The following HELZ variants were observed in gnomAD, a reference collection of about 807,000 sequenced individuals.
The protein encoded by HELZ is ATP-dependent RNA helicase with zinc finger domain.
HELZ carries 23 observed loss-of-function variants against 218.2 expected under a neutral mutation model. The observed-to-expected ratio is 0.11, with a 90% confidence interval of 0.08 to 0.15. HELZ has a LOEUF of 0.15. Ranked by LOEUF, HELZ falls within the 10% of genes least tolerant of loss-of-function variation. The probability of loss-of-function intolerance (pLI) is 1.00; values close to 1 mark genes in which losing one functional copy is unlikely to be tolerated. For missense variants in HELZ, 1,813 were observed against 2,353.7 expected (o/e 0.77, Z 4.75); for synonymous variants, 814 against 829.4 (o/e 0.98, Z 0.32).
chr17:67,123,602 CA>C (rs1476209039), intron 25 of HELZ, among the ~76,000 whole-genome samples: 1 of 152,130 alleles, frequency 6.6e-6, no homozygotes, highest in African/African-American at 2.4e-5. Flanking sequence ...AATTTAAGTA[CA>C]TTTTTTATCT....
chr17:67,095,625 C>T (rs1422409159), intron 31 of HELZ, among the ~76,000 whole-genome samples: 1 of 152,110 alleles, frequency 6.6e-6, no homozygotes, highest in Non-Finnish European at 1.5e-5. Context: ...TATCAGGCTC[C>T]ACTTCTAATT....
intron 3 of HELZ, among the ~76,000 whole-genome samples, chr17:67,228,261 C>A (rs16960725): frequency 4.6e-5 from 7 of 151,980 alleles, no homozygotes; most frequent in African/African-American, 1.7e-4. Flanking sequence ...ATAAAATGCA[C>A]GTTTCATTAT....
intron 5 of HELZ, among the ~76,000 whole-genome samples, chr17:67,203,997 T>A (rs1328815598): frequency 6.6e-6 from 1 of 152,256 alleles, no homozygotes; most frequent in Non-Finnish European, 1.5e-5. Context: ...ATGAGGATCA[T>A]GTTTCTAACA....
At chr17:67,150,901 T>C (rs771311465) in intron 18 of HELZ, 145 bp downstream of exon 18, 15 of 654,894 alleles carry the variant, frequency 2.3e-5, no homozygotes, top group Middle Eastern at 5.8e-4. Context: ...AGACAATAAA[T>C]AGGTAAATAA....
intron 23 of HELZ, among the ~76,000 whole-genome samples, chr17:67,131,128 T>A (rs2037969019): frequency 1.3e-5 from 2 of 152,176 alleles, no homozygotes; most frequent in Non-Finnish European, 2.9e-5. Context: ...CCTCAAGTAA[T>A]CCTCCCACCT....
intron 17 of HELZ, among the ~76,000 whole-genome samples, chr17:67,158,753 T>A (rs567933102): frequency 2.6e-5 from 4 of 152,172 alleles, no homozygotes; most frequent in African/African-American, 9.7e-5. Context: ...CAACTATACA[T>A]GTACCCTACT....
intron 9 of HELZ, 60 bp from the exon 10 acceptor site, chr17:67,190,415 C>T (rs1271061925): frequency 1.5e-6 from 2 of 1,319,814 alleles, no homozygotes; most frequent in African/African-American, 1.5e-5. Flanking sequence ...TAAAAATAAA[C>T]TCCCAGCATT....
At chr17:67,229,760 A>G (rs1345707031) in intron 3 of HELZ, among the ~76,000 whole-genome samples, 1 of 152,222 alleles carries the variant, frequency 6.6e-6, no homozygotes, top group Non-Finnish European at 1.5e-5. Context: ...ATAGTCCTAT[A>G]GTATACACAG....
At chr17:67,180,408 A>G (rs991041833) in intron 12 of HELZ, among the ~76,000 whole-genome samples, 2 of 152,154 alleles carry the variant, frequency 1.3e-5, no homozygotes, top group Admixed American at 1.3e-4. Context: ...TAGCCTCACA[A>G]GCAGAAGTTT....
intron 5 of HELZ, among the ~76,000 whole-genome samples, chr17:67,213,643 T>C (rs1310715340): frequency 6.6e-6 from 1 of 151,634 alleles, no homozygotes; most frequent in East Asian, 1.9e-4. Context: ...TAAAATAAAA[T>C]TGTAAGTGTA....
At chr17:67,165,322 A>ATGG (rs2039110536) in intron 15 of HELZ, among the ~76,000 whole-genome samples, 1 of 152,166 alleles carries the variant, frequency 6.6e-6, no homozygotes, top group Non-Finnish European at 1.5e-5. Flanking sequence ...ACCAGAAGAA[A>ATGG]TGGAATGTGA....
rs2143456315 is a variant in HELZ at position 67,071,308 on chromosome 17, A to C, written c.*6944T>G. On this transcript the variant is annotated 3_prime_UTR_variant, in exon 33 of 33. Transcript: ENST00000358691. ...CACTTTGGGACTTCAACCAGGACAA[A>C]GAGCCCTCTGACCTACTGAAAGATA... The C allele has an allele frequency of 6.5e-6, 1 of 152,702 alleles. No homozygotes were observed. The highest frequency in any genetic ancestry group is 2.4e-5 in the African/African-American group (1 of 41,572). 9.5% of individuals were successfully genotyped at this position (152,702 alleles called of 1,614,324 possible). A position where few individuals can be genotyped will look rare whatever the true frequency, so the allele number is the denominator to read the frequency against.
intron 13 of HELZ, among the ~76,000 whole-genome samples, 176 bp from the exon 14 acceptor site, chr17:67,167,972 C>A (rs908774168): frequency 7.0e-6 from 1 of 143,018 alleles, no homozygotes; most frequent in African/African-American, 2.7e-5. Flanking sequence ...CTGGAAACAA[C>A]AAAAAAAAAT....
At chr17:67,083,109 G>A (rs929650372) in intron 32 of HELZ, among the ~76,000 whole-genome samples, 3 of 151,670 alleles carry the variant, frequency 2.0e-5, no homozygotes, top group Non-Finnish European at 2.9e-5. Context: ...CACTCGCTTC[G>A]GCCTCCCAAA....
intron 3 of HELZ, among the ~76,000 whole-genome samples, chr17:67,234,535 C>T (rs866838760): frequency 4.5e-4 from 69 of 152,080 alleles, no homozygotes; most frequent in African/African-American, 1.4e-3. Flanking sequence ...TCATACTCAT[C>T]CTTACTCTAA....
intron 5 of HELZ, among the ~76,000 whole-genome samples, chr17:67,212,308 C>G (rs1003661215): frequency 2.2e-3 from 11 of 4,938 alleles, no homozygotes; most frequent in African/African-American, 4.7e-3. Context: ...GGGAGAGACA[C>G]CATCTCAAAA....
chr17:67,173,550 A>T (rs2039370575), intron 13 of HELZ, among the ~76,000 whole-genome samples: 1 of 152,240 alleles, frequency 6.6e-6, no homozygotes, highest in African/African-American at 2.4e-5. Flanking sequence ...TGCAACTTTC[A>T]AAAAATTTCA....
Position 67,108,735 on chromosome 17 carries a change from A to G in HELZ, c.4490-9T>C, listed in dbSNP as rs1238453276. 1.3e-6 allele frequency: 2 copies of G among 1,544,370 alleles called. No homozygotes were observed. Among genetic ancestry groups the G allele is most frequent in the Non-Finnish European group, 1.7e-6 (2 of 1,143,134 alleles). ...ACTCCCATGTATACGATCTGCAAAA[A>G]TATTTGTGAAAAATTTTTTATGAAT... On this transcript the variant is annotated splice_polypyrimidine_tract_variant and intron_variant, in intron 29 of 32. Coordinates refer to ENST00000358691, the MANE Select transcript of HELZ (RefSeq NM_014877.4). This position sits in a 1 kb window ranked among gnomAD's most constrained non-coding sequence, Gnocchi z 4.1.
intron 13 of HELZ, among the ~76,000 whole-genome samples, chr17:67,175,200 T>C (rs912361506): frequency 6.6e-6 from 1 of 152,164 alleles, no homozygotes; most frequent in Non-Finnish European, 1.5e-5. Context: ...TGTTTCCGTA[T>C]AGCCCTTAAC....
Sources: allele counts gnomAD v4.1 joint callset (sites outside exome capture counted in the v4.1 genomes callset), GRCh38; gene constraint gnomAD v4.1.1; non-coding constraint Gnocchi (gnomAD v3.1); transcripts MANE v1.5; gene names NCBI Gene and HGNC (gene_info 2026-07-23, HGNC 2026-07-21).